The following RUFY3 variants were observed in gnomAD, a reference collection of about 807,000 sequenced individuals.
RUFY3 encodes the protein protein RUFY3.
Under a neutral mutation model 84.0 loss-of-function variants are expected in RUFY3, and 34 were observed. The ratio of observed to expected loss-of-function variants is 0.40; its 90% confidence interval spans 0.31 to 0.54. The LOEUF is 0.54. Ranked by LOEUF, RUFY3 falls within the 20% of genes least tolerant of loss-of-function variation. The pLI is 0.39. For synonymous variants in RUFY3, 242 were observed against 252.9 expected (o/e 0.96, Z 0.41); for missense variants, 507 against 736.8 (o/e 0.69, Z 3.61).
At chr4:70,777,223 T>G (rs182840372) in intron 7 of RUFY3, among the ~76,000 whole-genome samples, 22 of 152,294 alleles carry the variant, frequency 1.4e-4, no homozygotes, top group African/African-American at 5.3e-4. Context: ...TGCAGGTAAC[T>G]GAAACCACAG....
intron 14 of RUFY3, among the ~76,000 whole-genome samples, chr4:70,795,772 A>G (rs897148989): frequency 1.6e-4 from 25 of 152,176 alleles, no homozygotes; most frequent in African/African-American, 5.8e-4. Context: ...TATCAATACA[A>G]TCTTTTTTAC....
intron 1 of RUFY3, among the ~76,000 whole-genome samples, chr4:70,725,626 C>T (rs1718112766): frequency 1.3e-5 from 2 of 152,120 alleles, no homozygotes; most frequent in South Asian, 2.1e-4. Context: ...CCACCATGCC[C>T]GGCTTATATA....
At chr4:70,774,970 G>C (rs1044393946) in intron 6 of RUFY3, among the ~76,000 whole-genome samples, 198 bp from the exon 7 acceptor site, 1 of 151,626 alleles carries the variant, frequency 6.6e-6, no homozygotes, top group African/African-American at 2.4e-5. Flanking sequence ...TTAGTGAGGG[G>C]TTTTGTCATT....
intron 14 of RUFY3, 105 bp downstream of exon 14, chr4:70,794,999 G>C (rs1731328648): frequency 1.3e-6 from 1 of 751,612 alleles, no homozygotes; most frequent in Non-Finnish European, 2.3e-6. Context: ...ATACTTAGTG[G>C]CTGTGTCCTC....
intron 1 of RUFY3, among the ~76,000 whole-genome samples, chr4:70,724,986 C>G (rs1209170831): frequency 6.6e-6 from 1 of 152,182 alleles, no homozygotes; most frequent in Non-Finnish European, 1.5e-5. Flanking sequence ...AGTATTCAGA[C>G]TGCTTTCCGG....
At chr4:70,792,751 A>G (rs1731014838) in intron 12 of RUFY3, 1 of 985,234 alleles carries the variant, frequency 1.0e-6, no homozygotes, top group South Asian at 4.7e-5. Context: ...GTGCTTATAT[A>G]GGTCCCTGCA....
chr4:70,755,881 G>A (rs975420316), intron 1 of RUFY3, among the ~76,000 whole-genome samples: 3 of 151,868 alleles, frequency 2.0e-5, no homozygotes, highest in Non-Finnish European at 4.4e-5. Flanking sequence ...AACCTGGGAG[G>A]CGGAACTTGC....
At chr4:70,787,229 G>T (rs1361208840) in intron 10 of RUFY3, among the ~76,000 whole-genome samples, 1 of 128,334 alleles carries the variant, frequency 7.8e-6, no homozygotes, top group Non-Finnish European at 1.6e-5. Context: ...CAAATTGACA[G>T]TATATAACAT....
At chr4:70,787,200 A>G (rs1560554995) in intron 10 of RUFY3, among the ~76,000 whole-genome samples, 1 of 137,238 alleles carries the variant, frequency 7.3e-6, no homozygotes, top group Non-Finnish European at 1.5e-5. Context: ...ATATATATAT[A>G]TATATATATA....
chr4:70,801,891 T>C (rs904734915), intron 15 of RUFY3, among the ~76,000 whole-genome samples: 1 of 152,226 alleles, frequency 6.6e-6, no homozygotes, highest in Non-Finnish European at 1.5e-5. Flanking sequence ...CGTTCCAAAC[T>C]AAAATCAAAT....
At chr4:70,773,605 C>A (rs1417892121) in intron 6 of RUFY3, 33 bp downstream of exon 6, 5 of 1,473,646 alleles carry the variant, frequency 3.4e-6, no homozygotes, top group Non-Finnish European at 4.7e-6. Context: ...TTCTTTTCTC[C>A]TGATGTAGCA....
intron 1 of RUFY3, among the ~76,000 whole-genome samples, chr4:70,754,304 C>T (rs139376308): frequency 0.012 from 1,890 of 152,174 alleles, 34 homozygotes; most frequent in South Asian, 0.056. Flanking sequence ...CCACCTGCCT[C>T]GGCCTCCCAA....
chr4:70,746,748 C>G (rs1055970316), intron 1 of RUFY3, among the ~76,000 whole-genome samples: 2 of 152,106 alleles, frequency 1.3e-5, no homozygotes, highest in Non-Finnish European at 2.9e-5. Context: ...ATGCAACAAC[C>G]TGAATGATTC....
chr4:70,748,780 C>A (rs947514915), intron 1 of RUFY3, among the ~76,000 whole-genome samples: 3 of 152,096 alleles, frequency 2.0e-5, no homozygotes, highest in Admixed American at 6.5e-5. Context: ...TGGGAGAACC[C>A]ATTGTTTTTA....
rs879268762 is a variant in RUFY3, at chr4:70,753,103, A to T, written c.179-9416A>T. The stretch of plus-strand genomic sequence containing the variant: ...ACTTGTAGGTCTGTTCAGATTTCCT[A>T]TTTCTTCTTATGTCAGTTTTGGTAG... On this transcript the variant is annotated intron_variant, in intron 1 of 17. Coordinates refer to ENST00000381006, the MANE Select transcript of RUFY3 (RefSeq NM_001037442.4). Among the ~76,000 whole-genome samples, 22 of 151,920 alleles carry T rather than the reference A, an allele frequency of 1.4e-4. 1 individual carries two copies. Among genetic ancestry groups the T allele is most frequent in the Admixed American group, 6.6e-4 (10 of 15,254 alleles).
rs1172184708 is a variant in RUFY3 at position 70,807,799 on chromosome 4, C to CAA, written c.*1141_*1142dup. 1.3e-5 allele frequency among the ~76,000 whole-genome samples: 2 copies of CAA among 151,980 alleles called. No homozygotes were observed. The highest frequency in any genetic ancestry group is 2.9e-5 in the Non-Finnish European group (2 of 67,992). On this transcript the variant is annotated 3_prime_UTR_variant, in exon 18 of 18. Transcript: ENST00000381006. ...ACAGGCATGAGCCACCACACCTGGC[C>CAA]AAGTTTAATTTGTTCATGGCTGAGA...
At chr4:70,717,315 GGTA>G (rs1741736693), upstream of RUFY3, among the ~76,000 whole-genome samples, 1 of 152,112 alleles carries the variant, frequency 6.6e-6, no homozygotes, top group East Asian at 1.9e-4. Flanking sequence ...GAGACAGAGT[GGTA>G]GTAGGGTGAA....
chr4:70,715,581 C>A (rs1342231309), intron 1 of RUFY3, among the ~76,000 whole-genome samples: 1 of 104,966 alleles, frequency 9.5e-6, no homozygotes, highest in African/African-American at 4.1e-5. Flanking sequence ...GAGAGTAACA[C>A]TATCTCCAAA....
At chr4:70,748,413 A>G (rs906937917) in intron 1 of RUFY3, among the ~76,000 whole-genome samples, 6 of 152,166 alleles carry the variant, frequency 3.9e-5, no homozygotes, top group Non-Finnish European at 5.9e-5. Flanking sequence ...GTATATTGAG[A>G]TTTATCACAC....
Sources: gnomAD v4.1 joint callset for allele counts (sites outside exome capture counted in the v4.1 genomes callset) on GRCh38, gnomAD v4.1.1 for gene constraint, MANE v1.5 for transcripts, NCBI Gene and HGNC (gene_info 2026-07-23, HGNC 2026-07-21) for gene names.